TGFBRAP1: variants seen among roughly 807,000 people sequenced by gnomAD.
TGFBRAP1 encodes transforming growth factor-beta receptor-associated protein 1.
Under a neutral mutation model 83.2 loss-of-function variants are expected in TGFBRAP1, and 20 were observed. The ratio of observed to expected loss-of-function variants is 0.24; its 90% CI spans 0.17 to 0.35. TGFBRAP1 has a LOEUF of 0.35. Ranked by LOEUF, TGFBRAP1 falls within the 10% of genes least tolerant of loss-of-function variation. The probability of loss-of-function intolerance (pLI) is 1.00; values close to 1 mark genes in which losing one functional copy is unlikely to be tolerated. For synonymous variants in TGFBRAP1, 415 were observed against 459.8 expected, an observed-to-expected ratio of 0.90 and a Z score of 1.25; for missense variants, 950 against 1,099.4, an observed-to-expected ratio of 0.86 and a Z score of 1.92.
intron 2 of TGFBRAP1, among the ~76,000 whole-genome samples, chr2:105,301,593 GA>G (rs369341763): frequency 6.6e-6 from 1 of 151,080 alleles, no homozygotes; most frequent in African/African-American, 2.4e-5. Context: ...TCAAAAAAAA[GA>G]AAAAAAACCA....
chr2:105,312,834 G>A (rs201388051), intron 1 of TGFBRAP1, among the ~76,000 whole-genome samples: 6 of 151,906 alleles, frequency 3.9e-5, no homozygotes, highest in East Asian at 3.9e-4. Flanking sequence ...ACTTTTGGCC[G>A]GGCATGGTGG....
At chr2:105,329,580 C>A (rs1679312730) in intron 1 of TGFBRAP1, 45 bp downstream of exon 1, 1 of 148,170 alleles carries the variant, frequency 6.7e-6, no homozygotes, top group African/African-American at 2.5e-5. Flanking sequence ...ACGCGCCCCG[C>A]GCCCTGAGCC....
intron 1 of TGFBRAP1, among the ~76,000 whole-genome samples, chr2:105,319,841 G>C (rs1216530870): frequency 6.7e-6 from 1 of 149,798 alleles, no homozygotes; most frequent in African/African-American, 2.4e-5. Flanking sequence ...ATATATGTAT[G>C]TGTGTATATA....
At chr2:105,315,067 T>C (rs907094750) in intron 1 of TGFBRAP1, among the ~76,000 whole-genome samples, 1 of 152,132 alleles carries the variant, frequency 6.6e-6, no homozygotes, top group African/African-American at 2.4e-5. Flanking sequence ...AATGACTTTA[T>C]AGTTTAATTT....
intron 6 of TGFBRAP1, 144 bp from the exon 7 acceptor site, chr2:105,277,815 A>G: frequency 1.2e-6 from 1 of 809,010 alleles, no homozygotes; most frequent in Non-Finnish European, 2.1e-6. Context: ...ACACTTTGGA[A>G]GGCCAAGGTG....
intron 6 of TGFBRAP1, among the ~76,000 whole-genome samples, chr2:105,280,062 A>G (rs1018288010): frequency 6.6e-6 from 1 of 152,022 alleles, no homozygotes; most frequent in Non-Finnish European, 1.5e-5. Context: ...TTAAAAAAAA[A>G]AAAAAGAAAG....
chr2:105,250,577 TCTCCCTCCTCTC>T, the TGFBRAP1 span, among the ~76,000 whole-genome samples: 1 of 89,746 alleles, frequency 1.1e-5, no homozygotes, highest in East Asian at 6.0e-4. Flanking sequence ...CTCCTCTCCC[TCTCCCTCCTCTC>T]CCTCTCCCTC....
At chr2:105,271,056 A>T (rs949335157) in intron 10 of TGFBRAP1, among the ~76,000 whole-genome samples, 4 of 152,186 alleles carry the variant, frequency 2.6e-5, no homozygotes, top group African/African-American at 9.7e-5. Flanking sequence ...CCCCTGTGCT[A>T]CCTGCAAGCC....
At chr2:105,326,811 T>A (rs561167278) in intron 1 of TGFBRAP1, among the ~76,000 whole-genome samples, 1 of 152,336 alleles carries the variant, frequency 6.6e-6, no homozygotes, top group Non-Finnish European at 1.5e-5. Flanking sequence ...GATTTTTTCC[T>A]TAAATCTTTA....
rs1676897634 is a variant in TGFBRAP1, at chr2:105,265,481, G to A, written c.*1902C>T. On this transcript the variant is annotated 3_prime_UTR_variant, in exon 12 of 12. Coordinates refer to ENST00000393359, the MANE Select transcript of TGFBRAP1 (RefSeq NM_004257.6). ...GAGACTCTGTCTGTGTGTTAGGAAT[G>A]AGAAATTACTAAGTTTTTTCAAGAT... 1 of 152,620 alleles carries A rather than the reference G, an allele frequency of 6.6e-6. No homozygotes were observed. Among genetic ancestry groups the A allele is most frequent in the African/African-American group, 2.4e-5 (1 of 41,440 alleles). 9.5% of individuals were successfully genotyped at this position (152,620 alleles called of 1,614,324 possible).
intron 9 of TGFBRAP1, 73 bp from the exon 10 acceptor site, chr2:105,273,087 G>A: frequency 6.4e-7 from 1 of 1,563,654 alleles, no homozygotes; most frequent in Non-Finnish European, 8.6e-7. Flanking sequence ...TCCCCTGTCA[G>A]CCAGGGCTTG....
Position 105,269,589 on chromosome 2 carries a change from C to A in TGFBRAP1, c.2089G>T (p.Glu697Ter). 6.2e-7 allele frequency: 1 copy of A among 1,610,108 alleles called. No homozygotes were observed. Among genetic ancestry groups the A allele is most frequent in the Non-Finnish European group, 8.5e-7 (1 of 1,177,868 alleles). ...TCGGAGCACCACAGGCAGTAGTCCT[C>A]GGCCGCTGCAAAGTCCTGCAGCTCG... ...VHELQDFAAA[E>*]DYCLWCSEGR... Residue 697 changes from glutamate to a stop codon, truncating the protein, a stop_gained, in exon 11 of 12, where the codon GAG becomes TAG. Coordinates refer to ENST00000393359, the MANE Select transcript of TGFBRAP1 (RefSeq NM_004257.6). LOFTEE classifies it high-confidence loss of function. The surrounding 1 kb of genome is among the most constrained non-coding windows in gnomAD (Gnocchi z 4.1).
rs990191027 is a variant in TGFBRAP1, at chr2:105,273,547, C to T, written c.1809G>A (p.Leu603=). The T allele has an allele frequency of 1.2e-6, 2 of 1,614,076 alleles. No individual in the cohort carries two copies. Among genetic ancestry groups the T allele is most frequent in the Non-Finnish European group, 1.7e-6 (2 of 1,179,998 alleles). The change falls in exon 9 of 12, where the codon CTG becomes CTA. Residue 603 remains leucine (L), a synonymous_variant. Transcript: ENST00000393359. ...GTCTAACTTCTGCAGTGCTCACCTG[C>T]AGTCTCTTGTCTATCACAAGATGTT... ...YLEHLVIDKR[L]QKEEYHTHLA...
At chr2:105,308,460 A>G (rs1678595237) in intron 1 of TGFBRAP1, 142 bp from the exon 2 acceptor site, 1 of 893,134 alleles carries the variant, frequency 1.1e-6, no homozygotes, top group Non-Finnish European at 1.6e-6. Flanking sequence ...GAAAGAAACC[A>G]TTTCCCCACA....
intron 1 of TGFBRAP1, among the ~76,000 whole-genome samples, chr2:105,311,540 G>A (rs1334558751): frequency 6.6e-6 from 1 of 151,552 alleles, no homozygotes; most frequent in Non-Finnish European, 1.5e-5. Context: ...AGCCATGATT[G>A]CACCACCGCT....
chr2:105,280,799 G>T, intron 5 of TGFBRAP1, 76 bp from the exon 6 acceptor site: 1 of 1,458,624 alleles, frequency 6.9e-7, no homozygotes, highest in Non-Finnish European at 9.2e-7. Flanking sequence ...AGCACTGGAG[G>T]GGAGCGCACG....
intron 11 of TGFBRAP1, among the ~76,000 whole-genome samples, chr2:105,268,449 G>A (rs567455361): frequency 6.6e-6 from 1 of 152,280 alleles, no homozygotes; most frequent in Admixed American, 6.5e-5. Context: ...AAAAAATAAA[G>A]GCTAAATTTT....
intron 8 of TGFBRAP1, among the ~76,000 whole-genome samples, chr2:105,275,270 A>AC (rs1677298648): frequency 6.6e-6 from 1 of 152,250 alleles, no homozygotes; most frequent in African/African-American, 2.4e-5. Flanking sequence ...CAAGTTCTTA[A>AC]GAAGATGCTA....
intron 5 of TGFBRAP1, among the ~76,000 whole-genome samples, chr2:105,283,382 C>T (rs1677607334): frequency 6.6e-6 from 1 of 152,196 alleles, no homozygotes; most frequent in Non-Finnish European, 1.5e-5. Flanking sequence ...AAGGACGTGG[C>T]TGGTCATGGG....
Sources: allele counts gnomAD v4.1 joint callset (sites outside exome capture counted in the v4.1 genomes callset), GRCh38; gene constraint gnomAD v4.1.1; non-coding constraint Gnocchi (gnomAD v3.1); transcripts MANE v1.5; gene names NCBI Gene and HGNC (gene_info 2026-07-23, HGNC 2026-07-21).